Variants in WWOX observed in about 807,000 individuals in gnomAD.
WWOX encodes the protein WW domain-containing oxidoreductase.
In WWOX, 69 loss-of-function variants were observed where a neutral mutation model predicts 46.2. That is an observed-to-expected ratio of 1.49 (90% CI 1.23 to 1.82). The LOEUF (loss-of-function observed/expected upper bound fraction) is 1.82. WWOX is among the 40% of genes most tolerant of loss of function. The pLI is 0.00. For missense variants in WWOX, 919 were observed against 542.6 expected (o/e 1.69, Z -6.89); for synonymous variants, 359 against 202.6 (o/e 1.77, Z -6.56).
At chr16:78,950,025 A>G (rs957838056) in intron 8 of WWOX, among the ~76,000 whole-genome samples, 3 of 152,136 alleles carry the variant, frequency 2.0e-5, no homozygotes, top group African/African-American at 7.2e-5. Flanking sequence ...TAGACTTTCC[A>G]AGGCTGTGCA....
chr16:78,197,733 G>A (rs1284049100), intron 5 of WWOX, among the ~76,000 whole-genome samples: 2 of 152,162 alleles, frequency 1.3e-5, no homozygotes, highest in Admixed American at 1.3e-4. Flanking sequence ...TGAAAAGGAT[G>A]TCATTGTCTT....
At chr16:78,822,522 A>G (rs963504871) in intron 8 of WWOX, among the ~76,000 whole-genome samples, 5 of 152,088 alleles carry the variant, frequency 3.3e-5, no homozygotes, top group Admixed American at 2.6e-4. Context: ...AAAACAAACA[A>G]AAATCTACTT....
At chr16:78,487,592 G>A (rs1397597080) in intron 8 of WWOX, among the ~76,000 whole-genome samples, 1 of 152,176 alleles carries the variant, frequency 6.6e-6, no homozygotes, top group Non-Finnish European at 1.5e-5. Context: ...GTTAATATTG[G>A]AAGGTGGGTC....
At chr16:78,341,168 A>ATGT (rs112590486) in intron 5 of WWOX, among the ~76,000 whole-genome samples, 3 of 105,694 alleles carry the variant, frequency 2.8e-5, no homozygotes, top group African/African-American at 9.5e-5. Context: ...TCCAACTGTA[A>ATGT]TTTTTTTTTT....
chr16:78,620,893 T>A (rs968643575), intron 8 of WWOX, among the ~76,000 whole-genome samples: 7 of 152,202 alleles, frequency 4.6e-5, no homozygotes, highest in African/African-American at 7.2e-5. Flanking sequence ...TGCGTATATT[T>A]GGTTGGAATT....
At chr16:78,730,666 C>T (rs1164691915) in intron 8 of WWOX, among the ~76,000 whole-genome samples, 3 of 143,886 alleles carry the variant, frequency 2.1e-5, no homozygotes, top group African/African-American at 7.7e-5. Context: ...TGCTGTGTTG[C>T]CCGGGATGGT....
chr16:78,950,014 G>T (rs2046026336), intron 8 of WWOX, among the ~76,000 whole-genome samples: 1 of 152,186 alleles, frequency 6.6e-6, no homozygotes. Flanking sequence ...ACTGAGGCTT[G>T]TAGACTTTCC....
At chr16:78,981,086 G>A (rs997189292) in intron 8 of WWOX, among the ~76,000 whole-genome samples, 5 of 152,196 alleles carry the variant, frequency 3.3e-5, no homozygotes, top group Admixed American at 6.5e-5. Flanking sequence ...AGCCTCATTC[G>A]AGTTCTTCCT....
chr16:78,826,672 G>A lies in WWOX; in HGVS notation c.1057-384936G>A, dbSNP rs148463756. ...CAAGATCCGTAACTTAATTACATCT[G>A]CAAAGACCTGATTCCCAATAAGCTT... On this transcript the variant is annotated intron_variant, in intron 8 of 8. Coordinates refer to ENST00000566780, the MANE Select transcript of WWOX (RefSeq NM_016373.4). Among the ~76,000 whole-genome samples, 756 of 152,296 alleles carry A rather than the reference G, an allele frequency of 5.0e-3. 5 individuals carry two copies. The highest frequency in any genetic ancestry group is 0.017 in the African/African-American group (724 of 41,564).
Position 78,967,881 on chromosome 16 carries a change from C to T in WWOX, c.1057-243727C>T, listed in dbSNP as rs190203278. Among the ~76,000 whole-genome samples, 305 of 152,312 alleles carry T rather than the reference C, an allele frequency of 2.0e-3. 1 individual carries two copies. The highest frequency in any genetic ancestry group is 6.9e-3 in the African/African-American group (285 of 41,570). On this transcript the variant is annotated intron_variant, in intron 8 of 8. Transcript: ENST00000566780. The stretch of plus-strand genomic sequence containing the variant: ...TCTGTTGCAGCCTCCGGGGCCACAT[C>T]AGTAGCTGCAGGAGGAGGAGGGAAC...
intron 8 of WWOX, among the ~76,000 whole-genome samples, chr16:78,514,423 C>G (rs1217825195): frequency 1.3e-5 from 2 of 152,136 alleles, no homozygotes; most frequent in East Asian, 1.9e-4. Flanking sequence ...GTTTGCTTGA[C>G]AAAGGATAGA....
intron 8 of WWOX, among the ~76,000 whole-genome samples, chr16:78,914,503 C>T (rs2045195442): frequency 6.6e-6 from 1 of 151,944 alleles, no homozygotes; most frequent in Non-Finnish European, 1.5e-5. Flanking sequence ...ATGTGATTAA[C>T]TGAATGGGAA....
At chr16:79,045,950 C>T (rs568388030) in intron 8 of WWOX, among the ~76,000 whole-genome samples, 11 of 151,894 alleles carry the variant, frequency 7.2e-5, no homozygotes, top group African/African-American at 2.7e-4. Flanking sequence ...TACAGGTGCA[C>T]ACCACCATGG....
intron 8 of WWOX, among the ~76,000 whole-genome samples, chr16:78,715,187 G>T (rs753677810): frequency 6.6e-6 from 1 of 152,208 alleles, no homozygotes; most frequent in African/African-American, 2.4e-5. Context: ...AGATTTATCA[G>T]TGAGAAAAGA....
At chr16:78,976,096 A>C (rs1025409029) in intron 8 of WWOX, among the ~76,000 whole-genome samples, 4 of 152,210 alleles carry the variant, frequency 2.6e-5, no homozygotes, top group Non-Finnish European at 5.9e-5. Context: ...TCCGAATGAC[A>C]ATTTCAAGCT....
chr16:78,507,624 G>A (rs560902980), intron 8 of WWOX, among the ~76,000 whole-genome samples: 1 of 152,062 alleles, frequency 6.6e-6, no homozygotes, highest in Non-Finnish European at 1.5e-5. Context: ...CCCCATACTC[G>A]ACATTCTTTG....
chr16:78,499,481 G>A (rs1399655590), intron 8 of WWOX, among the ~76,000 whole-genome samples: 1 of 152,166 alleles, frequency 6.6e-6, no homozygotes. Context: ...TGGGACTCAT[G>A]GAGATTTTCC....
chr16:78,326,874 A>G (rs752241355), intron 5 of WWOX, among the ~76,000 whole-genome samples: 1 of 152,146 alleles, frequency 6.6e-6, no homozygotes, highest in Non-Finnish European at 1.5e-5. Flanking sequence ...TTTCGGTTGT[A>G]TTCTATATGA....
intron 8 of WWOX, chr16:78,895,957 A>T (rs1394792801): frequency 1.3e-5 from 2 of 152,200 alleles, no homozygotes; most frequent in Non-Finnish European, 2.9e-5. Flanking sequence ...CGCTGACTTA[A>T]CATCCCAGGA....
Sources: allele counts gnomAD v4.1 joint callset (sites outside exome capture counted in the v4.1 genomes callset), GRCh38; gene constraint gnomAD v4.1.1; transcripts MANE v1.5; gene names NCBI Gene and HGNC (gene_info 2026-07-23, HGNC 2026-07-21).